B4GALT5: variants seen among roughly 807,000 people sequenced by gnomAD.
The protein encoded by B4GALT5 is UDP-Gal:beta-GlcNAc beta-1,4-galactosyltransferase 5.
Under a neutral mutation model 45.0 loss-of-function variants are expected in B4GALT5, and 11 were observed. The ratio of observed to expected loss-of-function variants is 0.24; its 90% confidence interval spans 0.15 to 0.40. B4GALT5 has a LOEUF of 0.40. B4GALT5 is among the 10% of genes least tolerant of loss of function. The probability of loss-of-function intolerance (pLI) is 1.00; values close to 1 mark genes in which losing one functional copy is unlikely to be tolerated. For missense variants in B4GALT5, 337 were observed against 500.2 expected, an observed-to-expected ratio of 0.67 and a Z score of 3.11; for synonymous variants, 185 against 182.9, an observed-to-expected ratio of 1.01 and a Z score of -0.09.
chr20:49,642,634 C>A (rs1407471910), intron 4 of B4GALT5, 50 bp from the exon 5 acceptor site: 4 of 1,340,390 alleles, frequency 3.0e-6, no homozygotes, highest in Non-Finnish European at 4.2e-6. Context: ...TCAGCTTTCA[C>A]TCCTTAGCAG....
chr20:49,672,080 T>C (rs1255897159), intron 1 of B4GALT5, among the ~76,000 whole-genome samples: 2 of 152,216 alleles, frequency 1.3e-5, no homozygotes, highest in Non-Finnish European at 2.9e-5. Flanking sequence ...GCAAGTTTCC[T>C]CTATCTAGCC....
chr20:49,647,075 T>C lies in B4GALT5; in HGVS notation c.254A>G (p.Tyr85Cys). The change falls in exon 3 of 9, where the codon TAT becomes TGT. Residue 85 changes from tyrosine to cysteine, a missense_variant. Tyr to Cys is a radical substitution (Grantham distance 194, BLOSUM62 -2). Transcript: ENST00000371711. ...TTCACTGTGGTTCAAGTCAAGAGGATAATCTAGGGAGGTAAAGGAAAAAAG... is the reference window on the plus strand; with the variant it reads ...TTCACTGTGGTTCAAGTCAAGAGGACAATCTAGGGAGGTAAAGGAAAAAAG... ...KRNSSVNDSDYPLDLNHSETF... is the reference protein window; with the variant it reads ...KRNSSVNDSDCPLDLNHSETF... The C allele has an allele frequency of 6.2e-7, 1 of 1,609,852 alleles. No homozygotes were observed. The highest frequency in any genetic ancestry group is 1.3e-5 in the African/African-American group (1 of 74,920).
At chr20:49,653,178 C>T (rs2085629028) in intron 2 of B4GALT5, among the ~76,000 whole-genome samples, 1 of 152,056 alleles carries the variant, frequency 6.6e-6, no homozygotes, top group African/African-American at 2.4e-5. Context: ...GTTGATCAAC[C>T]CCAATCTAAA....
Position 49,713,625 on chromosome 20 carries a change from AAAG to A in B4GALT5, c.63_65del (p.Phe22del), listed in dbSNP as rs755129382. On this transcript the variant is annotated inframe_deletion, in exon 1 of 9. Transcript: ENST00000371711. ...AGTACAGCAGCGAGGACGAGAGAGAAAAGAAGAAGAGCGCGGCGAGCAGCGAGC... is the reference window on the plus strand; with the variant it reads ...AGTACAGCAGCGAGGACGAGAGAGAAAAGAAGAGCGCGGCGAGCAGCGAGC... The A allele has an allele frequency of 2.4e-5, 38 of 1,587,232 alleles. No individual in the cohort carries two copies. The highest frequency in any genetic ancestry group is 9.4e-5 in the East Asian group (4 of 42,454).
chr20:49,647,145 C>A (rs1771024332), intron 2 of B4GALT5, 67 bp from the exon 3 acceptor site: 1 of 917,862 alleles, frequency 1.1e-6, no homozygotes, highest in South Asian at 1.6e-5. Flanking sequence ...TTATCAGATG[C>A]CTACCAAGTA....
chr20:49,688,158 G>A (rs909109352), intron 1 of B4GALT5, among the ~76,000 whole-genome samples: 1 of 152,204 alleles, frequency 6.6e-6, no homozygotes, highest in African/African-American at 2.4e-5. Context: ...AAGAAAAATA[G>A]AGACAAGGGC....
intron 1 of B4GALT5, among the ~76,000 whole-genome samples, chr20:49,671,038 T>A (rs984728778): frequency 6.6e-6 from 1 of 152,136 alleles, no homozygotes. Context: ...AACTCAGCTA[T>A]CACTGAAATA....
intron 7 of B4GALT5, among the ~76,000 whole-genome samples, chr20:49,638,844 C>A (rs531731519): frequency 6.6e-6 from 1 of 152,064 alleles, no homozygotes; most frequent in Non-Finnish European, 1.5e-5. Context: ...GGAAAAGATT[C>A]TAAATATACA....
intron 1 of B4GALT5, among the ~76,000 whole-genome samples, chr20:49,710,915 C>CA (rs1204360506): frequency 6.6e-6 from 1 of 151,820 alleles, no homozygotes; most frequent in East Asian, 1.9e-4. Flanking sequence ...CCTGTCTCTA[C>CA]AAAAAACTGT....
chr20:49,647,011 G>A lies in B4GALT5; in HGVS notation c.318C>T (p.Phe106=), dbSNP rs267605989. Residue 106 remains phenylalanine (F), a synonymous_variant, in exon 3 of 9, where the codon TTC becomes TTT. Coordinates refer to ENST00000371711, the MANE Select transcript of B4GALT5 (RefSeq NM_004776.4). The part of the protein sequence containing the change: ...LQTTTFLPED[F]TYFANHTCPE... ...GGCAGGTATGGTTTGCAAAGTAGGT[G>A]AAGTCTTCAGGAAGAAATGTTGTAG... 7 of 1,613,948 alleles carry A rather than the reference G, an allele frequency of 4.3e-6. No individual in the cohort carries two copies. The highest frequency in any genetic ancestry group is 1.7e-6 in the Non-Finnish European group (2 of 1,179,934).
chr20:49,688,736 C>A (rs767299092), intron 1 of B4GALT5, among the ~76,000 whole-genome samples: 40 of 152,162 alleles, frequency 2.6e-4, no homozygotes, highest in Non-Finnish European at 5.6e-4. Context: ...GTCAGGAGTT[C>A]GAGACCAGCC....
chr20:49,701,869 A>G (rs1420234000), intron 1 of B4GALT5, among the ~76,000 whole-genome samples: 2 of 152,140 alleles, frequency 1.3e-5, no homozygotes, highest in African/African-American at 4.8e-5. Context: ...GTTCAAGACC[A>G]GCCTGACCAA....
intron 1 of B4GALT5, among the ~76,000 whole-genome samples, chr20:49,656,989 T>G (rs1366754840): frequency 6.6e-6 from 1 of 152,180 alleles, no homozygotes. Context: ...ACCCAATCTG[T>G]ATTCTAGCAC....
intron 1 of B4GALT5, among the ~76,000 whole-genome samples, chr20:49,679,444 G>A (rs1600546432): frequency 3.3e-5 from 5 of 151,920 alleles, no homozygotes; most frequent in Admixed American, 2.0e-4. Flanking sequence ...CGAGACAGGC[G>A]GATCATGAGG....
At chr20:49,675,587 G>A (rs565623351) in intron 1 of B4GALT5, among the ~76,000 whole-genome samples, 1 of 152,010 alleles carries the variant, frequency 6.6e-6, no homozygotes, top group South Asian at 2.1e-4. Flanking sequence ...AACCTATTAT[G>A]AGCAATGCAC....
At chr20:49,653,363 G>A (rs1393832153) in intron 2 of B4GALT5, among the ~76,000 whole-genome samples, 1 of 152,140 alleles carries the variant, frequency 6.6e-6, no homozygotes, top group Non-Finnish European at 1.5e-5. Context: ...TCCACAAGAT[G>A]GTGACCTCCT....
chr20:49,650,570 G>C (rs1384110449), intron 2 of B4GALT5, among the ~76,000 whole-genome samples: 1 of 152,006 alleles, frequency 6.6e-6, no homozygotes, highest in African/African-American at 2.4e-5. Flanking sequence ...CCAGGAGGCA[G>C]AGGTTACAGT....
intron 1 of B4GALT5, 113 bp from the exon 2 acceptor site, chr20:49,656,815 G>C: frequency 7.2e-7 from 1 of 1,386,502 alleles, no homozygotes; most frequent in Non-Finnish European, 9.9e-7. Context: ...GCCTCTTTTA[G>C]TTCTTTTAAA....
chr20:49,702,501 T>C lies in B4GALT5; in HGVS notation c.115+11075A>G, dbSNP rs577968785. 7.2e-5 allele frequency among the ~76,000 whole-genome samples: 11 copies of C among 152,288 alleles called. No homozygotes were observed. In the East Asian group the frequency reaches 1.7e-3, roughly 24 times the overall value. The stretch of plus-strand genomic sequence containing the variant: ...AGAAGTGAAAAGACAACCCACAGAA[T>C]AGAAAATATTTGTAAATCATGTATC... On this transcript the variant is annotated intron_variant, in intron 1 of 8. Transcript: ENST00000371711.
Sources: gnomAD v4.1 joint callset for allele counts (sites outside exome capture counted in the v4.1 genomes callset) on GRCh38, gnomAD v4.1.1 for gene constraint, MANE v1.5 for transcripts, NCBI Gene and HGNC (gene_info 2026-07-23, HGNC 2026-07-21) for gene names.